The following KIAA0930 variants were observed in gnomAD, a reference collection of about 807,000 sequenced individuals.
The protein encoded by KIAA0930 is uncharacterized protein KIAA0930.
KIAA0930 carries 24 observed loss-of-function variants against 43.9 expected under a neutral mutation model. The observed-to-expected ratio is 0.55, with a 90% CI of 0.40 to 0.77. The LOEUF (loss-of-function observed/expected upper bound fraction) is 0.77. Ranked by LOEUF, KIAA0930 falls within the 30% of genes least tolerant of loss-of-function variation. The pLI, the probability that KIAA0930 is intolerant of heterozygous loss-of-function variation, is 0.00. For missense variants in KIAA0930, 461 were observed against 574.2 expected, an observed-to-expected ratio of 0.80 and a Z score of 2.02; for synonymous variants, 259 against 216.4, an observed-to-expected ratio of 1.20 and a Z score of -1.73.
At chr22:45,228,700 C>CG (rs2083819213) in intron 1 of KIAA0930, among the ~76,000 whole-genome samples, 1 of 146,158 alleles carries the variant, frequency 6.8e-6, no homozygotes, top group South Asian at 2.2e-4. Context: ...CTCCACCCCC[C>CG]CAACCACCAA....
chr22:45,233,581 C>A (rs1425202242), intron 1 of KIAA0930, among the ~76,000 whole-genome samples: 7 of 152,044 alleles, frequency 4.6e-5, no homozygotes, highest in Admixed American at 2.6e-4. Context: ...TGCAGAACAG[C>A]CCGGGTGCCC....
At chr22:45,203,447 TG>T (rs1335348020) in intron 6 of KIAA0930, among the ~76,000 whole-genome samples, 1 of 152,012 alleles carries the variant, frequency 6.6e-6, no homozygotes, top group Non-Finnish European at 1.5e-5. Flanking sequence ...TGGCTGCGGA[TG>T]GTGCCCGCTG....
Position 45,204,860 on chromosome 22 carries a change from C to T in KIAA0930, c.516+357G>A, listed in dbSNP as rs368658236. 5.3e-5 allele frequency among the ~76,000 whole-genome samples: 8 copies of T among 152,234 alleles called. No individual in the cohort carries two copies. The East Asian group carries it at 1.4e-3, about 26-fold the overall frequency. On this transcript the variant is annotated intron_variant, in intron 5 of 9. Transcript: ENST00000336156. The stretch of plus-strand genomic sequence containing the variant: ...CCAAGTCAGTGCAGGCGTGGAGGCG[C>T]TTCTTTATCATTTACTAGCATTAAT...
chr22:45,223,404 C>T (rs74805510), intron 1 of KIAA0930, among the ~76,000 whole-genome samples: 3,095 of 152,328 alleles, frequency 0.02, 103 homozygotes, highest in African/African-American at 0.07. Context: ...AGGGTCCATC[C>T]TGGCTCTGGC....
At chr22:45,208,960 C>T (rs2083666958) in intron 2 of KIAA0930, among the ~76,000 whole-genome samples, 1 of 152,222 alleles carries the variant, frequency 6.6e-6, no homozygotes, top group Non-Finnish European at 1.5e-5. Flanking sequence ...GCCAGGTCCC[C>T]CTCCTGCCAA....
At chr22:45,214,989 C>T (rs926180756) in intron 1 of KIAA0930, among the ~76,000 whole-genome samples, 9 of 151,790 alleles carry the variant, frequency 5.9e-5, no homozygotes, top group African/African-American at 1.7e-4. Context: ...AGGCTGTGGC[C>T]GGCAGATCAC....
rs1208042945 is a variant in KIAA0930 at position 45,192,400 on chromosome 22, T to C, written c.*4776A>G. ...TAATAAAGACGCTGTTGGTAACGCG[T>C]ACAGAACTATCACTGGCAATCAGCA... is the stretch of plus-strand genomic sequence containing the variant. On this transcript the variant is annotated 3_prime_UTR_variant, in exon 10 of 10. Transcript: ENST00000336156. 3.9e-5 allele frequency: 6 copies of C among 152,220 alleles called. No individual in the cohort carries two copies. Among genetic ancestry groups the C allele is most frequent in the Non-Finnish European group, 8.8e-5 (6 of 68,046 alleles). The allele number at this position is 152,220 out of a possible 1,614,324, so 9.4% of individuals were successfully genotyped here.
At chr22:45,230,643 G>A (rs528215283) in intron 1 of KIAA0930, among the ~76,000 whole-genome samples, 8 of 148,196 alleles carry the variant, frequency 5.4e-5, no homozygotes, top group African/African-American at 1.8e-4. Context: ...GTACAGTGGC[G>A]CAATCTTGGT....
At chr22:45,199,523 G>A (rs750019687) in intron 8 of KIAA0930, among the ~76,000 whole-genome samples, 4 of 152,162 alleles carry the variant, frequency 2.6e-5, no homozygotes, top group Admixed American at 6.5e-5. Flanking sequence ...GCCACACCCC[G>A]TGTGTGCGGA....
intron 5 of KIAA0930, 118 bp from the exon 6 acceptor site, chr22:45,204,103 G>A (rs897229278): frequency 5.2e-5 from 70 of 1,338,574 alleles, no homozygotes; most frequent in Non-Finnish European, 6.5e-5. Context: ...GGGGACAACC[G>A]GCTGTCACAC....
At chr22:45,217,904 C>A (rs989420763) in intron 1 of KIAA0930, among the ~76,000 whole-genome samples, 4 of 152,224 alleles carry the variant, frequency 2.6e-5, no homozygotes, top group East Asian at 3.8e-4. Context: ...AACTCCAGAA[C>A]TGGAAGAGCC....
chr22:45,211,167 C>T (rs2083690063), intron 2 of KIAA0930, among the ~76,000 whole-genome samples: 1 of 152,228 alleles, frequency 6.6e-6, no homozygotes, highest in African/African-American at 2.4e-5. Flanking sequence ...GCCAGCAAAC[C>T]ATGGCCCCGG....
rs973445098 is a variant in KIAA0930 at position 45,196,798 on chromosome 22, C to T, written c.*378G>A. On this transcript the variant is annotated 3_prime_UTR_variant, in exon 10 of 10. Coordinates refer to ENST00000336156, the MANE Select transcript of KIAA0930 (RefSeq NM_001009880.2). This position sits in a 1 kb window ranked among gnomAD's most constrained non-coding sequence, Gnocchi z 4.1. ...ACTGAGTGCCCTGGCTGGGTGGTTC[C>T]GCCTGCTGCTGGGGGGACGTGAACA... 8.0e-5 allele frequency: 18 copies of T among 225,322 alleles called. No homozygotes were observed. Among genetic ancestry groups the T allele is most frequent in the Non-Finnish European group, 1.3e-4 (15 of 115,236 alleles). 14.0% of individuals were successfully genotyped at this position (225,322 alleles called of 1,614,324 possible).
In KIAA0930 at chr22:45,193,804, T is replaced by C. The variant is rs2083511380; in HGVS notation, c.*3372A>G. The C allele has an allele frequency of 6.6e-6, 1 of 152,204 alleles. No individual in the cohort carries two copies. Among genetic ancestry groups the C allele is most frequent in the East Asian group, 1.9e-4 (1 of 5,208 alleles). 9.4% of individuals were successfully genotyped at this position (152,204 alleles called of 1,614,324 possible). On this transcript the variant is annotated 3_prime_UTR_variant, in exon 10 of 10. Transcript: ENST00000336156. ...AGGCACTTCCAGCAGGACATGAGAA[T>C]GTAAGATGGCCACTACCGGAACTTA... is the stretch of plus-strand genomic sequence containing the variant.
In KIAA0930 at chr22:45,223,884, GTCAGCACTGAGACAGCACCCAGGA is replaced by G. The variant is rs796120591; in HGVS notation, c.65-11801_65-11778del. Among the ~76,000 whole-genome samples the G allele has an allele frequency of 1.3e-4, 19 of 148,888 alleles. No individual in the cohort carries two copies. The South Asian group carries it at 3.7e-3, about 29-fold the overall frequency. On this transcript the variant is annotated intron_variant, in intron 1 of 9. Coordinates refer to ENST00000336156, the MANE Select transcript of KIAA0930 (RefSeq NM_001009880.2). ...GATCAGCACCAGATAAGCACCCAGG[GTCAGCACTGAGACAGCACCCAGGA>G]TCAGCACCAGATGAGCACCCAGGGT... is the stretch of plus-strand genomic sequence containing the variant.
chr22:45,237,195 C>A (rs891097442), intron 1 of KIAA0930, among the ~76,000 whole-genome samples: 1 of 152,258 alleles, frequency 6.6e-6, no homozygotes, highest in Non-Finnish European at 1.5e-5. Flanking sequence ...GACCTGGAGT[C>A]ATGAGCAGTG....
At chr22:45,229,054 A>C (rs2083829916) in intron 1 of KIAA0930, among the ~76,000 whole-genome samples, 1 of 36,568 alleles carries the variant, frequency 2.7e-5, no homozygotes, top group African/African-American at 1.2e-4. Flanking sequence ...CCCACCACCA[A>C]ACACTCACCC....
At chr22:45,232,859 G>A (rs529714627) in intron 1 of KIAA0930, among the ~76,000 whole-genome samples, 2 of 152,270 alleles carry the variant, frequency 1.3e-5, no homozygotes, top group Non-Finnish European at 2.9e-5. Context: ...CTCAGCCTCC[G>A]TTTCCCTGAT....
At chr22:45,218,659 C>T (rs1217291505) in intron 1 of KIAA0930, among the ~76,000 whole-genome samples, 1 of 152,122 alleles carries the variant, frequency 6.6e-6, no homozygotes, top group Non-Finnish European at 1.5e-5. Context: ...CCCAGCCCCT[C>T]CAACAGAGCC....
Sources: gnomAD v4.1 joint callset for allele counts (sites outside exome capture counted in the v4.1 genomes callset) on GRCh38, gnomAD v4.1.1 for gene constraint, Gnocchi (gnomAD v3.1) non-coding constraint, MANE v1.5 for transcripts, NCBI Gene and HGNC (gene_info 2026-07-23, HGNC 2026-07-21) for gene names.